The following IPO11 variants were observed in gnomAD, a reference collection of about 807,000 sequenced individuals.
The protein encoded by IPO11 is importin 11, also known as importin-11.
IPO11 carries 66 observed loss-of-function variants against 143.2 expected under a neutral mutation model. The ratio of observed to expected loss-of-function variants is 0.46; its 90% CI spans 0.38 to 0.57. The LOEUF (loss-of-function observed/expected upper bound fraction) is 0.57. Ranked by LOEUF, IPO11 falls within the 20% of genes least tolerant of loss-of-function variation. The pLI, the probability that IPO11 is intolerant of heterozygous loss-of-function variation, is 0.00. For missense variants in IPO11, 1,026 were observed against 1,141.0 expected (o/e 0.90, Z 1.45); for synonymous variants, 385 against 377.8 (o/e 1.02, Z -0.22).
intron 5 of IPO11, among the ~76,000 whole-genome samples, chr5:62,460,593 A>C (rs1198732188): frequency 6.6e-6 from 1 of 152,214 alleles, no homozygotes; most frequent in Non-Finnish European, 1.5e-5. Context: ...GAAATGCTAA[A>C]ATACTTAGTG....
chr5:62,535,499 G>A (rs1388872898), intron 22 of IPO11, among the ~76,000 whole-genome samples: 1 of 152,054 alleles, frequency 6.6e-6, no homozygotes, highest in Non-Finnish European at 1.5e-5. Context: ...TTTATCCTGA[G>A]ATTTTTATCT....
At chr5:62,460,450 A>G (rs1745315530) in intron 5 of IPO11, among the ~76,000 whole-genome samples, 8 of 152,152 alleles carry the variant, frequency 5.3e-5, no homozygotes, top group Admixed American at 5.2e-4. Context: ...TATAGCGAAT[A>G]TTTTTTGTCT....
intron 29 of IPO11, among the ~76,000 whole-genome samples, chr5:62,606,480 TAAAAAAAAA>T (rs760722973): frequency 1.1e-4 from 6 of 56,106 alleles, no homozygotes; most frequent in African/African-American, 2.5e-4. Context: ...GACCCTGTCT[TAAAAAAAAA>T]AAAAAAAAAA....
intron 16 of IPO11, among the ~76,000 whole-genome samples, chr5:62,500,116 C>T (rs1741298717): frequency 6.6e-6 from 1 of 152,142 alleles, no homozygotes; most frequent in African/African-American, 2.4e-5. Context: ...GAAACCCTGT[C>T]TCCACAAAAA....
At chr5:62,516,168 A>C (rs1431677534) in intron 20 of IPO11, among the ~76,000 whole-genome samples, 1 of 152,260 alleles carries the variant, frequency 6.6e-6, no homozygotes, top group East Asian at 1.9e-4. Flanking sequence ...AGAAATCAGA[A>C]GTATCCCTAA....
At chr5:62,580,946 C>T (rs115682516) in intron 27 of IPO11, 47,247 of 1,551,124 alleles carry the variant, frequency 0.03, 865 homozygotes, top group Non-Finnish European at 0.037. Context: ...AGTGCTCTAC[C>T]GAATGATGCT....
chr5:62,537,111 A>G, intron 23 of IPO11, 98 bp from the exon 24 acceptor site: 1 of 735,214 alleles, frequency 1.4e-6, no homozygotes, highest in Admixed American at 2.3e-5. Flanking sequence ...TTAGTGTATA[A>G]TTCTCAAGTA....
chr5:62,592,539 C>T (rs368855188), intron 28 of IPO11, among the ~76,000 whole-genome samples: 1 of 151,978 alleles, frequency 6.6e-6, no homozygotes, highest in African/African-American at 2.4e-5. Context: ...AGGTTTTTTT[C>T]TTTTTAAGTT....
chr5:62,431,266 A>G (rs570207596), intron 1 of IPO11, among the ~76,000 whole-genome samples: 1 of 152,214 alleles, frequency 6.6e-6, no homozygotes, highest in Admixed American at 6.6e-5. Context: ...GGTGTGAGCT[A>G]CCACATCTGG....
rs188816168 is a variant in IPO11 at position 62,472,296 on chromosome 5, A to G, written c.708+1988A>G. Among the ~76,000 whole-genome samples the G allele has an allele frequency of 2.7e-3, 406 of 152,238 alleles. 4 individuals are homozygous for G. The highest frequency in any genetic ancestry group is 1.6e-3 in the Non-Finnish European group (108 of 68,008). ...AGAATATTATGTTTATCTTTTTTTA[A>G]GTGAAAATGAATTGATTTGATTTAT... On this transcript the variant is annotated intron_variant, in intron 7 of 29. Coordinates refer to ENST00000325324, the MANE Select transcript of IPO11 (RefSeq NM_016338.5).
intron 16 of IPO11, among the ~76,000 whole-genome samples, chr5:62,499,705 G>C (rs1741284398): frequency 6.7e-6 from 1 of 148,892 alleles, no homozygotes. Flanking sequence ...TAAAGTTCTT[G>C]ACTCCTTTGT....
chr5:62,431,221 C>T (rs1354209679), intron 1 of IPO11, among the ~76,000 whole-genome samples: 2 of 152,074 alleles, frequency 1.3e-5, no homozygotes, highest in Non-Finnish European at 2.9e-5. Context: ...CCAGGTGATC[C>T]GCCCACCTCG....
chr5:62,511,874 CCA>C (rs1278608806), intron 19 of IPO11, among the ~76,000 whole-genome samples: 2 of 152,128 alleles, frequency 1.3e-5, no homozygotes, highest in South Asian at 4.1e-4. Flanking sequence ...CCACAAGTCA[CCA>C]TACATACAAC....
intron 28 of IPO11, among the ~76,000 whole-genome samples, chr5:62,594,854 G>A (rs746535338): frequency 6.6e-6 from 1 of 152,204 alleles, no homozygotes; most frequent in African/African-American, 2.4e-5. Context: ...CAGGGAAACT[G>A]AGAATCATTC....
chr5:62,536,401 G>A (rs1418425326), intron 22 of IPO11, among the ~76,000 whole-genome samples: 1 of 150,384 alleles, frequency 6.6e-6, no homozygotes, highest in East Asian at 2.0e-4. Context: ...ATTAAGCTTT[G>A]GGTTGATACC....
At chr5:62,522,884 T>C (rs572215296) in intron 20 of IPO11, among the ~76,000 whole-genome samples, 25 of 152,302 alleles carry the variant, frequency 1.6e-4, no homozygotes, top group South Asian at 2.1e-4. Context: ...CAAACTGCTT[T>C]CTAAACATTT....
chr5:62,530,737 A>T lies in IPO11; in HGVS notation c.2041A>T (p.Ile681Phe). The part of the protein sequence containing the change: ...WLVTLENSPC[I>F]TPELLRIFQN... ...AGTAACTTTGGAAAACAGTCCATGT[A>T]TTACACCAGAGTTGCTTCGTATATT... The change falls in exon 22 of 30, where the codon ATT (isoleucine) becomes TTT (phenylalanine). Residue 681 changes from isoleucine to phenylalanine, a missense_variant. Physicochemically the swap from Ile to Phe is conservative, Grantham distance 21 (BLOSUM62 0). This residue lies in a region of IPO11 where 351 missense variants were observed against 358.9 expected (regional missense o/e 0.98). Coordinates refer to ENST00000325324, the MANE Select transcript of IPO11 (RefSeq NM_016338.5). 1.2e-6 allele frequency: 2 copies of T among 1,613,132 alleles called. No individual in the cohort carries two copies. The highest frequency in any genetic ancestry group is 1.7e-6 in the Non-Finnish European group (2 of 1,179,352).
chr5:62,605,876 C>T (rs996604573), intron 29 of IPO11, among the ~76,000 whole-genome samples: 5 of 151,974 alleles, frequency 3.3e-5, no homozygotes, highest in Non-Finnish European at 7.4e-5. Flanking sequence ...GCTGAGACCG[C>T]ATGTGCATGC....
intron 5 of IPO11, among the ~76,000 whole-genome samples, chr5:62,464,034 G>T (rs1246218685): frequency 6.6e-6 from 1 of 151,826 alleles, no homozygotes; most frequent in Non-Finnish European, 1.5e-5. Flanking sequence ...GTGTTGGCCA[G>T]GCTGGTCTCG....
Sources: gnomAD v4.1 joint callset for allele counts (sites outside exome capture counted in the v4.1 genomes callset) on GRCh38, gnomAD v4.1.1 for gene constraint, gnomAD v4.1.1 regional missense constraint, MANE v1.5 for transcripts, NCBI Gene and HGNC (gene_info 2026-07-23, HGNC 2026-07-21) for gene names.